Variants in NRXN3 observed in about 807,000 individuals in gnomAD.
The protein encoded by NRXN3 is neurexin III.
In NRXN3, 32 loss-of-function variants were observed where a neutral mutation model predicts 137.6. The ratio of observed to expected loss-of-function variants is 0.23; its 90% confidence interval spans 0.18 to 0.31. NRXN3 has a LOEUF of 0.31. Ranked by LOEUF, NRXN3 falls within the 10% of genes least tolerant of loss-of-function variation. NRXN3 has a pLI of 1.00. For missense variants in NRXN3, 1,574 were observed against 2,062.5 expected, an observed-to-expected ratio of 0.76 and a Z score of 4.59; for synonymous variants, 798 against 784.5, an observed-to-expected ratio of 1.02 and a Z score of -0.29.
intron 8 of NRXN3, among the ~76,000 whole-genome samples, chr14:78,771,855 AT>A (rs1459904526): frequency 6.6e-6 from 1 of 152,218 alleles, no homozygotes; most frequent in African/African-American, 2.4e-5. Context: ...TTTTATTTTC[AT>A]TCTACAGATT....
At chr14:79,784,256 C>T (rs1255983996) in intron 19 of NRXN3, among the ~76,000 whole-genome samples, 1 of 152,190 alleles carries the variant, frequency 6.6e-6, no homozygotes, top group African/African-American at 2.4e-5. Context: ...AGCATGATTA[C>T]TTCTTTCCTT....
intron 19 of NRXN3, among the ~76,000 whole-genome samples, chr14:79,776,332 C>T (rs778263706): frequency 3.3e-5 from 5 of 152,162 alleles, no homozygotes; most frequent in Non-Finnish European, 5.9e-5. Flanking sequence ...GGGCTGGGCT[C>T]TCAATAAATA....
At chr14:78,675,637 G>A (rs2097995334) in intron 6 of NRXN3, among the ~76,000 whole-genome samples, 1 of 152,118 alleles carries the variant, frequency 6.6e-6, no homozygotes, top group South Asian at 2.1e-4. Flanking sequence ...TTATTATTAT[G>A]CCAGCTCAGA....
chr14:79,623,621 T>C (rs1767158330), intron 16 of NRXN3, among the ~76,000 whole-genome samples: 1 of 152,224 alleles, frequency 6.6e-6, no homozygotes, highest in Admixed American at 6.5e-5. Flanking sequence ...CTTTACATAT[T>C]TTCCAGGGAA....
chr14:79,613,252 T>C (rs1041590456), intron 16 of NRXN3, among the ~76,000 whole-genome samples: 1 of 152,256 alleles, frequency 6.6e-6, no homozygotes, highest in African/African-American at 2.4e-5. Context: ...TAAACTATAA[T>C]GCTTAAACTG....
chr14:78,799,738 C>T (rs960289740), intron 8 of NRXN3, among the ~76,000 whole-genome samples: 1 of 152,014 alleles, frequency 6.6e-6, no homozygotes, highest in African/African-American at 2.4e-5. Flanking sequence ...ACAATCATGG[C>T]GGAAGTCAAA....
At chr14:79,752,518 C>T (rs972573267) in intron 19 of NRXN3, among the ~76,000 whole-genome samples, 4 of 152,076 alleles carry the variant, frequency 2.6e-5, no homozygotes, top group East Asian at 1.9e-4. Flanking sequence ...TAGCCATATG[C>T]AGAAAGCAGA....
chr14:79,691,396 A>C, intron 17 of NRXN3, among the ~76,000 whole-genome samples: 1 of 152,028 alleles, frequency 6.6e-6, no homozygotes, highest in East Asian at 1.9e-4. Flanking sequence ...AGGGAGGCTA[A>C]ATATACAAAA....
At chr14:78,691,207 T>G (rs1425000502) in intron 6 of NRXN3, among the ~76,000 whole-genome samples, 1 of 152,184 alleles carries the variant, frequency 6.6e-6, no homozygotes. Flanking sequence ...AGAACATCAG[T>G]AATATTATTT....
chr14:78,541,921 C>T (rs944775125), intron 4 of NRXN3, among the ~76,000 whole-genome samples: 74 of 152,370 alleles, frequency 4.9e-4, no homozygotes, highest in Non-Finnish European at 2.4e-4. Flanking sequence ...CACTCAAGAC[C>T]ATGTTTGCCT....
At chr14:79,253,315 A>C (rs1239761417) in intron 15 of NRXN3, among the ~76,000 whole-genome samples, 1 of 152,120 alleles carries the variant, frequency 6.6e-6, no homozygotes, top group Non-Finnish European at 1.5e-5. Context: ...GTGCGGCCAT[A>C]GTTTAGGTAT....
At chr14:79,246,508 AGC>A (rs1310696457) in intron 15 of NRXN3, among the ~76,000 whole-genome samples, 30 of 152,112 alleles carry the variant, frequency 2.0e-4, no homozygotes, top group African/African-American at 6.5e-4. Context: ...GTCTTTATCT[AGC>A]ATAAACCTCA....
chr14:78,469,680 A>G (rs968749236), intron 4 of NRXN3, among the ~76,000 whole-genome samples: 2 of 152,152 alleles, frequency 1.3e-5, no homozygotes, highest in Non-Finnish European at 1.5e-5. Flanking sequence ...TCAAGTAGAG[A>G]TGGTGGGAAA....
At chr14:78,783,957 A>G (rs142909910) in intron 8 of NRXN3, among the ~76,000 whole-genome samples, 55 of 150,878 alleles carry the variant, frequency 3.6e-4, no homozygotes, top group African/African-American at 1.3e-3. Context: ...AGCATCTACT[A>G]TGGACCAGGC....
intron 20 of NRXN3, among the ~76,000 whole-genome samples, chr14:79,831,887 T>C (rs1343764296): frequency 6.6e-6 from 1 of 152,152 alleles, no homozygotes; most frequent in African/African-American, 2.4e-5. Flanking sequence ...ATGTCTTCTG[T>C]GAGCCCCCCA....
At chr14:78,784,717 G>T (rs2098783146) in intron 8 of NRXN3, among the ~76,000 whole-genome samples, 1 of 152,170 alleles carries the variant, frequency 6.6e-6, no homozygotes, top group Admixed American at 6.5e-5. Context: ...ATCATTAGGA[G>T]ATGATTTCGG....
chr14:79,359,454 G>T (rs1407974667), intron 15 of NRXN3, among the ~76,000 whole-genome samples: 2 of 152,008 alleles, frequency 1.3e-5, no homozygotes, highest in Admixed American at 6.6e-5. Flanking sequence ...ACAGTGTATG[G>T]GCTGGCTTCC....
At chr14:79,347,821 C>T (rs1353247342) in intron 15 of NRXN3, among the ~76,000 whole-genome samples, 2 of 152,168 alleles carry the variant, frequency 1.3e-5, no homozygotes, top group African/African-American at 4.8e-5. Flanking sequence ...AATATGACAT[C>T]TACCTCTAAA....
intron 10 of NRXN3, among the ~76,000 whole-genome samples, chr14:78,864,041 C>A (rs981697050): frequency 1.3e-5 from 2 of 152,148 alleles, no homozygotes; most frequent in African/African-American, 4.8e-5. Flanking sequence ...ATTGAGATCA[C>A]TTCTTACTGT....
Sources: gnomAD v4.1 joint callset for allele counts (sites outside exome capture counted in the v4.1 genomes callset) on GRCh38, gnomAD v4.1.1 for gene constraint, MANE v1.5 for transcripts, NCBI Gene and HGNC (gene_info 2026-07-23, HGNC 2026-07-21) for gene names.